Variants in DNASE1L3 observed in about 807,000 individuals in gnomAD.
The protein encoded by DNASE1L3 is deoxyribonuclease gamma.
A neutral mutation model predicts 30.9 loss-of-function variants in DNASE1L3; 27 were observed. The ratio of observed to expected loss-of-function variants is 0.87; its 90% CI spans 0.64 to 1.20. The LOEUF (loss-of-function observed/expected upper bound fraction) is 1.20, where lower values mean the gene tolerates loss of function less well. Ranked by LOEUF, DNASE1L3 falls within the 50% of genes most tolerant of loss-of-function variation. The probability of loss-of-function intolerance (pLI) is 0.00; values close to 1 mark genes in which losing one functional copy is unlikely to be tolerated. For missense variants in DNASE1L3, 364 were observed against 378.2 expected, an observed-to-expected ratio of 0.96 and a Z score of 0.31; for synonymous variants, 135 against 138.0, an observed-to-expected ratio of 0.98 and a Z score of 0.15.
chr3:58,201,555 T>C (rs984948260), intron 4 of DNASE1L3, among the ~76,000 whole-genome samples: 3 of 152,252 alleles, frequency 2.0e-5, no homozygotes, highest in East Asian at 1.9e-4. Flanking sequence ...TCTATGTCCT[T>C]GTACCTTAAC....
chr3:58,193,075 C>CTTTTTTT, intron 7 of DNASE1L3: 5 of 1,272,892 alleles, frequency 3.9e-6, no homozygotes, highest in African/African-American at 1.7e-5. Flanking sequence ...ATCAACCCAT[C>CTTTTTTT]TTTTTTTTTT....
chr3:58,201,570 A>T (rs1426151834), intron 4 of DNASE1L3, among the ~76,000 whole-genome samples: 1 of 152,248 alleles, frequency 6.6e-6, no homozygotes, highest in East Asian at 1.9e-4. Flanking sequence ...CTTAACCAAG[A>T]TATTTGTGCT....
intron 2 of DNASE1L3, among the ~76,000 whole-genome samples, chr3:58,206,987 G>C (rs2097404392): frequency 6.6e-6 from 1 of 152,104 alleles, no homozygotes; most frequent in Non-Finnish European, 1.5e-5. Flanking sequence ...CCCAGAGCCT[G>C]GGGGATGATG....
intron 5 of DNASE1L3, among the ~76,000 whole-genome samples, chr3:58,198,258 C>T (rs908185223): frequency 1.3e-5 from 2 of 152,104 alleles, no homozygotes; most frequent in African/African-American, 2.4e-5. Context: ...ATATGACTGG[C>T]GTTCTTGTAA....
At chr3:58,205,305 G>C (rs1410573136) in intron 3 of DNASE1L3, among the ~76,000 whole-genome samples, 166 bp downstream of exon 3, 1 of 152,202 alleles carries the variant, frequency 6.6e-6, no homozygotes, top group East Asian at 1.9e-4. Flanking sequence ...TTTTCAGCTT[G>C]AAGAGTCAAT....
At chr3:58,208,330 G>T (rs2097405400) in intron 1 of DNASE1L3, 24 bp from the exon 2 acceptor site, 1 of 1,612,046 alleles carries the variant, frequency 6.2e-7, no homozygotes, top group Non-Finnish European at 8.5e-7. Context: ...AATTCCCAGG[G>T]GTTTGAGGTC....
chr3:58,204,292 C>A (rs1559758212), intron 4 of DNASE1L3, among the ~76,000 whole-genome samples: 1 of 152,044 alleles, frequency 6.6e-6, no homozygotes, highest in Non-Finnish European at 1.5e-5. Flanking sequence ...AGGTGCGCAC[C>A]ACCATGCCCA....
At position 58,200,735 on chromosome 3, in the gene DNASE1L3, G is replaced by C. The variant is rs2097400051; in HGVS notation, c.546+262C>G. ...ATGTCAAGTCTCAGCACAGTGCCTGGCACTAGCTATTCACTCAGTAAATGT... is the reference window on the plus strand; with the variant it reads ...ATGTCAAGTCTCAGCACAGTGCCTGCCACTAGCTATTCACTCAGTAAATGT... On this transcript the variant is annotated intron_variant, in intron 5 of 7. Transcript: ENST00000394549. The surrounding 1 kb of genome is among the most constrained non-coding windows in gnomAD (Gnocchi z 4.2). 6.6e-6 allele frequency among the ~76,000 whole-genome samples: 1 copy of C among 152,212 alleles called. No individual in the cohort carries two copies. The highest frequency in any genetic ancestry group is 6.5e-5 in the Admixed American group (1 of 15,276).
At chr3:58,209,935 G>C (rs975663950) in intron 1 of DNASE1L3, among the ~76,000 whole-genome samples, 1 of 152,178 alleles carries the variant, frequency 6.6e-6, no homozygotes, top group African/African-American at 2.4e-5. Flanking sequence ...TAATTAACCT[G>C]TAGGATAAAG....
Position 58,197,868 on chromosome 3 carries a change from G to A in DNASE1L3, c.657C>T (p.Asp219=). 1 of 1,614,122 alleles carries A rather than the reference G, an allele frequency of 6.2e-7. No individual in the cohort carries two copies. ...TDPRFVWLIG[D]QEDTTVKKST... The stretch of plus-strand genomic sequence containing the variant: ...TCTTCTTCACCGTGGTGTCCTCTTG[G>A]TCCCCGATCAGCCAAACAAACCTGG... The change falls in exon 6 of 8, where the codon GAC becomes GAT. Residue 219 remains aspartate, a synonymous_variant. Coordinates refer to ENST00000394549, the MANE Select transcript of DNASE1L3 (RefSeq NM_004944.4). This position sits in a 1 kb window ranked among gnomAD's most constrained non-coding sequence, Gnocchi z 5.3.
At chr3:58,207,544 A>C (rs76932186) in intron 2 of DNASE1L3, among the ~76,000 whole-genome samples, 1 of 149,766 alleles carries the variant, frequency 6.7e-6, no homozygotes, top group African/African-American at 2.5e-5. Context: ...ACCCTTATTC[A>C]TGTAACATGA....
Position 58,200,958 on chromosome 3 carries a change from C to T in DNASE1L3, c.546+39G>A, listed in dbSNP as rs756077449. On this transcript the variant is annotated intron_variant, in intron 5 of 7. Coordinates refer to ENST00000394549, the MANE Select transcript of DNASE1L3 (RefSeq NM_004944.4). The surrounding 1 kb of genome is among the most constrained non-coding windows in gnomAD (Gnocchi z 4.2). ...TCCCACTCAGGGACCAGAGCCTGCCCCTGCTAGATGGGAATTCGTCTGACA... is the reference window on the plus strand; with the variant it reads ...TCCCACTCAGGGACCAGAGCCTGCCTCTGCTAGATGGGAATTCGTCTGACA... 9 of 1,566,392 alleles carry T rather than the reference C, an allele frequency of 5.7e-6. No individual in the cohort carries two copies. Among genetic ancestry groups the T allele is most frequent in the Middle Eastern group, 3.6e-4 (2 of 5,594 alleles).
rs2097394949 is a variant in DNASE1L3 at position 58,192,719 on chromosome 3, G to A, written c.886C>T (p.Leu296=). The change falls in exon 8 of 8, where the codon CTA becomes TTA. Residue 296 remains leucine, a synonymous_variant. Transcript: ENST00000394549. This position sits in a 1 kb window ranked among gnomAD's most constrained non-coding sequence, Gnocchi z 4.8. ...CGTTTGCTCTTTGTTTTCTTCCTTA[G>A]AGTGACAGATTTTTTGCTGTTGGTG... ...AFTNSKKSVT[L]RKKTKSKRS is the part of the protein sequence containing the mutation. 1 of 1,614,180 alleles carries A rather than the reference G, an allele frequency of 6.2e-7. No homozygotes were observed. Among genetic ancestry groups the A allele is most frequent in the Middle Eastern group, 1.6e-4 (1 of 6,062 alleles).
intron 5 of DNASE1L3, 24 bp from the exon 6 acceptor site, chr3:58,198,002 T>C (rs2097398435): frequency 6.3e-7 from 1 of 1,589,492 alleles, no homozygotes; most frequent in African/African-American, 1.3e-5. Flanking sequence ...TTTGGAACTG[T>C]CACCTGGTGG....
chr3:58,201,208 G>T (rs1375774719), intron 4 of DNASE1L3, 99 bp from the exon 5 acceptor site: 7 of 861,750 alleles, frequency 8.1e-6, no homozygotes, highest in South Asian at 2.3e-5. Context: ...GAAGGCACAG[G>T]CTGCATTATC....
chr3:58,193,353 G>T lies in DNASE1L3; in HGVS notation c.791C>A (p.Thr264Asn), dbSNP rs367807030. ...AGATGGCAACCTTACCTCCTCTTCAGTCAGCTTGTAAGCTTTCTGGAAGTC... is the reference window on the plus strand; with the variant it reads ...AGATGGCAACCTTACCTCCTCTTCATTCAGCTTGTAAGCTTTCTGGAAGTC... The part of the protein sequence containing the change: ...VFDFQKAYKL[T>N]EEEALDVSDH... The change falls in exon 7 of 8, where the codon ACT becomes AAT. Residue 264 changes from threonine to asparagine, a missense_variant. By Grantham distance (65) the Thr-to-Asn change is moderately conservative. Coordinates refer to ENST00000394549, the MANE Select transcript of DNASE1L3 (RefSeq NM_004944.4). The T allele has an allele frequency of 6.2e-7, 1 of 1,614,134 alleles. No homozygotes were observed. The highest frequency in any genetic ancestry group is 8.5e-7 in the Non-Finnish European group (1 of 1,180,020).
Position 58,192,805 on chromosome 3 carries a change from T to C in DNASE1L3, c.802-2A>G. ...AAAGTGGTCGCTGACATCCAGGGCC[T>C]ATAAGGAGAAAGGGGAGGTAGACAT... is the stretch of plus-strand genomic sequence containing the variant. On this transcript the variant is annotated splice_acceptor_variant, in intron 7 of 7. Transcript: ENST00000394549. LOFTEE classifies it high-confidence loss of function. The surrounding 1 kb of genome is among the most constrained non-coding windows in gnomAD (Gnocchi z 4.8). 6.2e-7 allele frequency: 1 copy of C among 1,611,948 alleles called. No homozygotes were observed. The highest frequency in any genetic ancestry group is 8.5e-7 in the Non-Finnish European group (1 of 1,179,540).
chr3:58,200,404 ACCAACCTGAGAATGGAG>A lies in DNASE1L3; in HGVS notation c.546+576_546+592del. ...GCTGTCCTGCCATCCCAGGGATGGA[ACCAACCTGAGAATGGAG>A]CCACACAGAGGAAAGGGCAACCAGG... On this transcript the variant is annotated intron_variant, in intron 5 of 7. Transcript: ENST00000394549. The surrounding 1 kb of genome is among the most constrained non-coding windows in gnomAD (Gnocchi z 4.2). Among the ~76,000 whole-genome samples the A allele has an allele frequency of 6.6e-6, 1 of 152,170 alleles. No individual in the cohort carries two copies. Among genetic ancestry groups the A allele is most frequent in the Middle Eastern group, 3.4e-3 (1 of 294 alleles).
Position 58,200,315 on chromosome 3 carries a change from C to T in DNASE1L3, c.546+682G>A, listed in dbSNP as rs2097399846. 6.6e-6 allele frequency among the ~76,000 whole-genome samples: 1 copy of T among 152,208 alleles called. No homozygotes were observed. Among genetic ancestry groups the T allele is most frequent in the African/African-American group, 2.4e-5 (1 of 41,452 alleles). On this transcript the variant is annotated intron_variant, in intron 5 of 7. Coordinates refer to ENST00000394549, the MANE Select transcript of DNASE1L3 (RefSeq NM_004944.4). This position sits in a 1 kb window ranked among gnomAD's most constrained non-coding sequence, Gnocchi z 4.2. ...TGACCCAGTCAGAGCCAATGAGACT[C>T]AGTCCCACACTATTTGTTGCCTTGT...
Sources: allele counts gnomAD v4.1 joint callset (sites outside exome capture counted in the v4.1 genomes callset), GRCh38; gene constraint gnomAD v4.1.1; non-coding constraint Gnocchi (gnomAD v3.1); transcripts MANE v1.5; gene names NCBI Gene and HGNC (gene_info 2026-07-23, HGNC 2026-07-21).